Variants in PCSK5 observed in about 807,000 individuals in gnomAD.
The protein encoded by PCSK5 is prohormone convertase 5.
PCSK5 carries 129 observed loss-of-function variants against 233.2 expected under a neutral mutation model. The ratio of observed to expected loss-of-function variants is 0.55; its 90% CI spans 0.48 to 0.64. The LOEUF (loss-of-function observed/expected upper bound fraction) is 0.64, where lower values mean the gene tolerates loss of function less well. PCSK5 is among the 30% of genes least tolerant of loss of function. The pLI is 0.00. For synonymous variants in PCSK5, 825 were observed against 879.2 expected (o/e 0.94, Z 1.09); for missense variants, 2,076 against 2,430.1 (o/e 0.85, Z 3.06).
chr9:76,329,263 G>A (rs975814074), intron 33 of PCSK5, among the ~76,000 whole-genome samples: 1 of 151,936 alleles, frequency 6.6e-6, no homozygotes, highest in Non-Finnish European at 1.5e-5. Flanking sequence ...AGCCTCCCAA[G>A]TAGATGGGAT....
intron 27 of PCSK5, among the ~76,000 whole-genome samples, chr9:76,298,427 A>G (rs980084610): frequency 5.3e-5 from 8 of 152,208 alleles, no homozygotes; most frequent in Non-Finnish European, 8.8e-5. Context: ...AATCAAGTCA[A>G]CGACAGAGCT....
chr9:76,183,848 C>A (rs1243928057), intron 16 of PCSK5, among the ~76,000 whole-genome samples: 3 of 152,150 alleles, frequency 2.0e-5, no homozygotes, highest in Non-Finnish European at 4.4e-5. Context: ...GGATATAATC[C>A]ACTTGCATAT....
intron 27 of PCSK5, among the ~76,000 whole-genome samples, chr9:76,301,474 C>A (rs1307790340): frequency 1.3e-5 from 2 of 152,060 alleles, no homozygotes; most frequent in Admixed American, 6.6e-5. Context: ...GAGAAGGGAA[C>A]AATCTCAAAA....
At chr9:75,988,609 G>A (rs764021532) in intron 3 of PCSK5, among the ~76,000 whole-genome samples, 23 of 152,114 alleles carry the variant, frequency 1.5e-4, no homozygotes, top group Non-Finnish European at 2.8e-4. Context: ...TAGAGACAAG[G>A]TCTCACTGTA....
chr9:76,210,024 G>T (rs1055287802), intron 20 of PCSK5, among the ~76,000 whole-genome samples: 1 of 152,168 alleles, frequency 6.6e-6, no homozygotes, highest in African/African-American at 2.4e-5. Context: ...TGTATCATGG[G>T]CTTGGGGGAC....
rs144604820 is a variant in PCSK5, at chr9:76,002,520, A to G, written c.411+16275A>G. ...ACTGATAAGAACAAACGTAAGATTT[A>G]TTTACTGTGGGAATTCTCATAGACT... On this transcript the variant is annotated intron_variant, in intron 3 of 37. Transcript: ENST00000674117. Among the ~76,000 whole-genome samples the G allele has an allele frequency of 2.9e-3, 435 of 152,310 alleles. 3 individuals are homozygous for G. The highest frequency in any genetic ancestry group is 0.01 in the African/African-American group (416 of 41,564).
intron 22 of PCSK5, among the ~76,000 whole-genome samples, chr9:76,234,876 G>A (rs1826201075): frequency 6.6e-6 from 1 of 152,098 alleles, no homozygotes; most frequent in South Asian, 2.1e-4. Flanking sequence ...GACTTCATTT[G>A]AGATGTTTCC....
chr9:76,180,104 T>TATATACACAC (rs373590869), intron 15 of PCSK5, among the ~76,000 whole-genome samples: 4 of 144,898 alleles, frequency 2.8e-5, no homozygotes, highest in African/African-American at 1.0e-4. Context: ...TATATATATA[T>TATATACACAC]ACACACACAC....
chr9:76,107,478 A>C, intron 9 of PCSK5, 127 bp downstream of exon 9: 1 of 526,888 alleles, frequency 1.9e-6, no homozygotes, highest in Non-Finnish European at 3.3e-6. Context: ...CCCACCTTTA[A>C]AACTTCAAAG....
At chr9:75,966,093 C>T (rs1825572727) in intron 2 of PCSK5, among the ~76,000 whole-genome samples, 1 of 152,156 alleles carries the variant, frequency 6.6e-6, no homozygotes, top group African/African-American at 2.4e-5. Context: ...CTGTGTTGAC[C>T]TCTCTTGGCC....
chr9:76,024,992 A>G (rs1187443899), intron 4 of PCSK5, among the ~76,000 whole-genome samples: 1 of 152,204 alleles, frequency 6.6e-6, no homozygotes, highest in Non-Finnish European at 1.5e-5. Context: ...CCTTATCAGT[A>G]AAATTAGTAA....
At chr9:76,041,431 A>T (rs1013451862) in intron 5 of PCSK5, among the ~76,000 whole-genome samples, 1 of 152,222 alleles carries the variant, frequency 6.6e-6, no homozygotes, top group African/African-American at 2.4e-5. Flanking sequence ...CCTCTTGTTA[A>T]GCCAGACATT....
chr9:75,895,517 C>G (rs2131183834), intron 1 of PCSK5, among the ~76,000 whole-genome samples: 2 of 152,232 alleles, frequency 1.3e-5, no homozygotes, highest in Middle Eastern at 6.8e-3. Context: ...AAATGATTTT[C>G]CCTTTCAGTG....
At chr9:76,065,346 G>C (rs927229971) in intron 5 of PCSK5, among the ~76,000 whole-genome samples, 1 of 152,006 alleles carries the variant, frequency 6.6e-6, no homozygotes, top group Non-Finnish European at 1.5e-5. Flanking sequence ...CTGTCTTTTT[G>C]ATAATAGTCA....
chr9:76,152,941 A>G (rs1036454720), intron 10 of PCSK5, among the ~76,000 whole-genome samples: 2 of 152,212 alleles, frequency 1.3e-5, no homozygotes, highest in Admixed American at 6.5e-5. Context: ...TACCTGCCAG[A>G]GAATATTAAC....
chr9:76,263,385 C>T (rs991346829), intron 24 of PCSK5, among the ~76,000 whole-genome samples: 2 of 152,120 alleles, frequency 1.3e-5, no homozygotes, highest in African/African-American at 4.8e-5. Context: ...ACGCAAATGT[C>T]CAACAATGAT....
intron 10 of PCSK5, among the ~76,000 whole-genome samples, chr9:76,143,036 A>G (rs1283768592): frequency 3.3e-5 from 5 of 152,226 alleles, no homozygotes; most frequent in Non-Finnish European, 7.3e-5. Context: ...TATTAATGTC[A>G]TACACCTAAC....
rs555483427 is a variant in PCSK5, at chr9:76,163,823, T to C, written c.1619+4652T>C. On this transcript the variant is annotated intron_variant, in intron 12 of 37. Coordinates refer to ENST00000674117, the MANE Select transcript of PCSK5 (RefSeq NM_001372043.1). ...CAAAAGCTTATCCCAGCAGATTCTT[T>C]CTTCAGCTGCATCTGTTAGAATTAT... 1.8e-4 allele frequency among the ~76,000 whole-genome samples: 27 copies of C among 152,174 alleles called. No individual in the cohort carries two copies. In the South Asian group the frequency reaches 5.4e-3, roughly 30 times the overall value.
intron 15 of PCSK5, among the ~76,000 whole-genome samples, chr9:76,180,003 CTTT>C (rs112435943): frequency 7.4e-6 from 1 of 135,980 alleles, no homozygotes. Flanking sequence ...CCAGACCTTT[CTTT>C]TTTTTTTTTT....
Sources: gnomAD v4.1 joint callset for allele counts (sites outside exome capture counted in the v4.1 genomes callset) on GRCh38, gnomAD v4.1.1 for gene constraint, MANE v1.5 for transcripts, NCBI Gene and HGNC (gene_info 2026-07-23, HGNC 2026-07-21) for gene names.